Variants in DDC observed in about 807,000 individuals in gnomAD.
DDC encodes dopa decarboxylase, also known as aromatic-L-amino-acid decarboxylase.
A neutral mutation model predicts 60.0 loss-of-function variants in DDC; 43 were observed. That is an observed-to-expected ratio of 0.72 (90% CI 0.56 to 0.92). The LOEUF is 0.92. Among genes scored for constraint, DDC ranks in the 40% least tolerant of loss-of-function variants. The pLI is 0.00. For missense variants in DDC, 573 were observed against 620.2 expected, an observed-to-expected ratio of 0.92 and a Z score of 0.81; for synonymous variants, 232 against 234.6, an observed-to-expected ratio of 0.99 and a Z score of 0.10.
intron 1 of DDC, among the ~76,000 whole-genome samples, chr7:50,562,865 C>T (rs900291252): frequency 6.6e-6 from 1 of 152,080 alleles, no homozygotes; most frequent in African/African-American, 2.4e-5. Flanking sequence ...TATTCAGTAG[C>T]TATTAAAAAA....
chr7:50,549,469 G>T (rs557185028), intron 1 of DDC, among the ~76,000 whole-genome samples: 23 of 152,032 alleles, frequency 1.5e-4, no homozygotes, highest in Non-Finnish European at 3.2e-4. Flanking sequence ...TGGCTAACAC[G>T]GTGAAACCCC....
Position 50,544,229 on chromosome 7 carries a change from C to T in DDC, c.-28-116G>A, listed in dbSNP as rs2044731747. 6 of 771,710 alleles carry T rather than the reference C, an allele frequency of 7.8e-6. No homozygotes were observed. The Admixed American group carries it at 1.2e-4, about 15-fold the overall frequency. The allele number at this position is 771,710 out of a possible 1,614,324, so 47.8% of individuals were successfully genotyped here. ...GGCAGTGACTGCATGCCCTGGAGGC[C>T]ACTTGGATCCCAAGTAAGGGGCGCT... On this transcript the variant is annotated intron_variant, in intron 1 of 14. Coordinates refer to ENST00000444124, the MANE Select transcript of DDC (RefSeq NM_001082971.2).
At chr7:50,544,208 G>T in intron 1 of DDC, 95 bp from the exon 2 acceptor site, 1 of 915,782 alleles carries the variant, frequency 1.1e-6, no homozygotes, top group Non-Finnish European at 1.8e-6. Flanking sequence ...CACCTGGGCA[G>T]TGACTGCATG....
chr7:50,466,313 C>G (rs1161805563), intron 13 of DDC, among the ~76,000 whole-genome samples: 1 of 151,942 alleles, frequency 6.6e-6, no homozygotes, highest in African/African-American at 2.4e-5. Context: ...CATGGTGAAA[C>G]CCCATCTCTA....
At chr7:50,497,762 G>A (rs2153539396) in intron 8 of DDC, among the ~76,000 whole-genome samples, 1 of 152,262 alleles carries the variant, frequency 6.6e-6, no homozygotes, top group East Asian at 1.9e-4. Flanking sequence ...GATCCATCAT[G>A]TAAGTCCTAG....
chr7:50,501,704 G>A (rs2043260842), intron 7 of DDC, among the ~76,000 whole-genome samples: 1 of 152,180 alleles, frequency 6.6e-6, no homozygotes, highest in Non-Finnish European at 1.5e-5. Flanking sequence ...TAGCAGGAGA[G>A]GGAAAGTAGG....
At chr7:50,561,979 A>G (rs1471889394) in intron 1 of DDC, among the ~76,000 whole-genome samples, 2 of 152,246 alleles carry the variant, frequency 1.3e-5, no homozygotes, top group African/African-American at 2.4e-5. Context: ...CCACACACAC[A>G]TGCACACACA....
At chr7:50,507,101 A>G (rs1297501129) in intron 6 of DDC, among the ~76,000 whole-genome samples, 1 of 152,232 alleles carries the variant, frequency 6.6e-6, no homozygotes. Flanking sequence ...GCGAAAAAGA[A>G]TGACTTAACA....
intron 11 of DDC, 113 bp from the exon 12 acceptor site, chr7:50,470,284 AACCT>A: frequency 1.2e-6 from 1 of 811,578 alleles, no homozygotes; most frequent in South Asian, 1.4e-5. Context: ...CCTGGTGGCC[AACCT>A]GCTCCCATTG....
At chr7:50,542,330 G>A (rs1037260535) in intron 2 of DDC, 5 of 152,212 alleles carry the variant, frequency 3.3e-5, no homozygotes, top group African/African-American at 9.6e-5. Flanking sequence ...CTCCGCACCT[G>A]GAGGGCCCAT....
chr7:50,481,029 C>T (rs1485135651), intron 9 of DDC, among the ~76,000 whole-genome samples: 1 of 152,126 alleles, frequency 6.6e-6, no homozygotes, highest in East Asian at 1.9e-4. Context: ...AATAAAGTAT[C>T]CTAAGGGCAA....
At chr7:50,534,008 CTTTT>C (rs1447697404) in intron 4 of DDC, among the ~76,000 whole-genome samples, 1 of 152,250 alleles carries the variant, frequency 6.6e-6, no homozygotes, top group East Asian at 1.9e-4. Context: ...GAGCAGCTTG[CTTTT>C]ATTGAGTGCA....
intron 13 of DDC, among the ~76,000 whole-genome samples, chr7:50,464,394 A>C (rs755215252): frequency 2.0e-5 from 3 of 152,132 alleles, no homozygotes; most frequent in Non-Finnish European, 4.4e-5. Flanking sequence ...GTGCCCAGGT[A>C]GACAGTGATG....
At position 50,528,891 on chromosome 7, in the gene DDC, G is replaced by C. The variant is rs552780264; in HGVS notation, c.570+317C>G. On this transcript the variant is annotated intron_variant, in intron 5 of 14. Transcript: ENST00000444124. ...ATAACAAAGCTGCAGTTAGGGCCGA[G>C]GACTTTGATCCCCATATCTAGTTTC... Among the ~76,000 whole-genome samples, 6 of 152,262 alleles carry C rather than the reference G, an allele frequency of 3.9e-5. 1 individual carries two copies. The highest frequency in any genetic ancestry group is 1.4e-4 in the African/African-American group (6 of 41,546).
chr7:50,525,494 T>A (rs894175085), intron 6 of DDC, among the ~76,000 whole-genome samples: 3 of 152,214 alleles, frequency 2.0e-5, no homozygotes, highest in Admixed American at 2.0e-4. Flanking sequence ...CCAGGCACAG[T>A]GGCTCACTCC....
intron 13 of DDC, among the ~76,000 whole-genome samples, chr7:50,465,026 T>A (rs1211962545): frequency 1.3e-5 from 2 of 152,204 alleles, no homozygotes; most frequent in African/African-American, 4.8e-5. Context: ...TTGGACTTCC[T>A]TCATGAGAGG....
At chr7:50,506,202 G>A (rs1340722283) in intron 6 of DDC, among the ~76,000 whole-genome samples, 1 of 152,238 alleles carries the variant, frequency 6.6e-6, no homozygotes, top group Non-Finnish European at 1.5e-5. Context: ...TAGCCCTTGA[G>A]TGGTCAGGGC....
chr7:50,527,968 C>T (rs2044085177), intron 6 of DDC, 169 bp downstream of exon 6: 2 of 658,856 alleles, frequency 3.0e-6, no homozygotes, highest in Admixed American at 2.8e-5. Context: ...GCGATCTCGG[C>T]TCACTGCAAC....
chr7:50,493,694 T>G (rs563338387), intron 9 of DDC, among the ~76,000 whole-genome samples: 3 of 152,298 alleles, frequency 2.0e-5, no homozygotes, highest in South Asian at 4.1e-4. Flanking sequence ...CAGACAAAAT[T>G]AAGTCTGAAA....
Sources: gnomAD v4.1 joint callset for allele counts (sites outside exome capture counted in the v4.1 genomes callset) on GRCh38, gnomAD v4.1.1 for gene constraint, MANE v1.5 for transcripts, NCBI Gene and HGNC (gene_info 2026-07-23, HGNC 2026-07-21) for gene names.